The following NAALADL2 variants were observed in gnomAD, a reference collection of about 807,000 sequenced individuals.
NAALADL2 encodes the protein inactive N-acetylated-alpha-linked acidic dipeptidase-like protein 2.
In NAALADL2, 76 loss-of-function variants were observed where a neutral mutation model predicts 87.2. The ratio of observed to expected loss-of-function variants is 0.87; its 90% CI spans 0.72 to 1.05. The LOEUF (loss-of-function observed/expected upper bound fraction) is 1.05, where lower values mean the gene tolerates loss of function less well. NAALADL2 is among the 50% of genes least tolerant of loss of function. The probability of loss-of-function intolerance (pLI) is 0.00; values close to 1 mark genes in which losing one functional copy is unlikely to be tolerated. For synonymous variants in NAALADL2, 354 were observed against 331.0 expected (o/e 1.07, Z -0.75); for missense variants, 1,089 against 945.8 (o/e 1.15, Z -1.99).
intron 11 of NAALADL2, among the ~76,000 whole-genome samples, chr3:175,681,952 T>C (rs1735657014): frequency 1.3e-5 from 2 of 152,120 alleles, no homozygotes; most frequent in Admixed American, 6.6e-5. Flanking sequence ...CCTAAAGAAG[T>C]TAGTAACTAA....
intron 1 of NAALADL2, among the ~76,000 whole-genome samples, chr3:174,468,282 G>C (rs1476428418): frequency 6.6e-6 from 1 of 152,156 alleles, no homozygotes; most frequent in East Asian, 1.9e-4. Context: ...TTGTTATGAG[G>C]AATGTGAGTG....
Position 174,480,955 on chromosome 3 carries a change from G to C in NAALADL2, c.-184+39923G>C, listed in dbSNP as rs186262608. 1.0e-3 allele frequency among the ~76,000 whole-genome samples: 159 copies of C among 152,192 alleles called. 1 individual carries two copies. Among genetic ancestry groups the C allele is most frequent in the South Asian group, 8.3e-4 (4 of 4,828 alleles). On this transcript the variant is annotated intron_variant, in intron 1 of 3. Coordinates refer to the NAALADL2 transcript ENST00000434257. ...CAGGGTCTGAGATGGGCAGATAGGAGAGTCAATATTGATCATCAGCTATAA... is the reference window on the plus strand; with the variant it reads ...CAGGGTCTGAGATGGGCAGATAGGACAGTCAATATTGATCATCAGCTATAA...
rs140229336 is a variant in NAALADL2, at chr3:174,936,315, G to A, written c.43+76865G>A. ...GTATTATTTACTTTGTACTCTACAT[G>A]TACCTTGAAGAAGAATTATTTCTTA... is the stretch of plus-strand genomic sequence containing the variant. On this transcript the variant is annotated intron_variant, in intron 1 of 13. Coordinates refer to ENST00000454872, the MANE Select transcript of NAALADL2 (RefSeq NM_207015.3). Among the ~76,000 whole-genome samples the A allele has an allele frequency of 9.1e-3, 1,378 of 152,072 alleles. 27 individuals are homozygous for A. Among genetic ancestry groups the A allele is most frequent in the African/African-American group, 0.032 (1,309 of 41,508 alleles).
At chr3:174,702,841 G>A (rs1729686504) in intron 2 of NAALADL2, among the ~76,000 whole-genome samples, 1 of 152,134 alleles carries the variant, frequency 6.6e-6, no homozygotes, top group Non-Finnish European at 1.5e-5. Context: ...TGATTATAAT[G>A]TATTCCTTTG....
At chr3:175,416,437 C>T (rs552290696) in intron 5 of NAALADL2, among the ~76,000 whole-genome samples, 20 of 152,230 alleles carry the variant, frequency 1.3e-4, no homozygotes, top group Non-Finnish European at 2.6e-4. Context: ...TGAATCACCA[C>T]TTCCTTACTG....
chr3:174,854,055 A>G (rs922643330), intron 3 of NAALADL2, among the ~76,000 whole-genome samples: 2 of 152,210 alleles, frequency 1.3e-5, no homozygotes, highest in Non-Finnish European at 2.9e-5. Context: ...AAGGAAATCA[A>G]TATATCAAAG....
intron 6 of NAALADL2, 59 bp from the exon 7 acceptor site, chr3:175,463,342 G>A (rs1380514192): frequency 3.6e-5 from 40 of 1,098,128 alleles, no homozygotes; most frequent in Non-Finnish European, 4.7e-5. Context: ...AAATTTTAAG[G>A]TTTAAAAAAT....
intron 1 of NAALADL2, among the ~76,000 whole-genome samples, chr3:175,007,144 A>G (rs1579981488): frequency 7.7e-6 from 1 of 129,860 alleles, no homozygotes; most frequent in Non-Finnish European, 1.6e-5. Context: ...AATTTCTTTT[A>G]TAGGATAAAA....
At chr3:175,616,591 G>C (rs1725381896) in intron 10 of NAALADL2, among the ~76,000 whole-genome samples, 2 of 152,024 alleles carry the variant, frequency 1.3e-5, no homozygotes, top group East Asian at 3.9e-4. Context: ...TTCCTTCAGT[G>C]CCACTTCGCA....
chr3:174,997,833 A>AAACAACAACAACAACAACAACAAC (rs60367540), intron 1 of NAALADL2, among the ~76,000 whole-genome samples: 1 of 141,956 alleles, frequency 7.0e-6, no homozygotes, highest in African/African-American at 3.1e-5. Context: ...ACCAAAAAGC[A>AAACAACAACAACAACAACAACAAC]AACAACAACA....
chr3:174,826,295 G>T (rs1430501038), intron 3 of NAALADL2, among the ~76,000 whole-genome samples: 1 of 152,286 alleles, frequency 6.6e-6, no homozygotes, highest in Admixed American at 6.5e-5. Context: ...AGAGATAAAT[G>T]GTTAAACATC....
chr3:175,629,683 T>C lies in NAALADL2; in HGVS notation c.1896+2297T>C, dbSNP rs948973517. The stretch of plus-strand genomic sequence containing the variant: ...TTTTCAATTAAGAGGTATAAACATA[T>C]ACTAATTCTCGATGCCTGAAGTCTT... On this transcript the variant is annotated intron_variant, in intron 11 of 13. Coordinates refer to ENST00000454872, the MANE Select transcript of NAALADL2 (RefSeq NM_207015.3). Among the ~76,000 whole-genome samples, 7 of 151,744 alleles carry C rather than the reference T, an allele frequency of 4.6e-5. No individual in the cohort carries two copies. The East Asian group carries it at 1.4e-3, about 29-fold the overall frequency.
chr3:175,694,630 T>A (rs535063002), intron 11 of NAALADL2, among the ~76,000 whole-genome samples: 1 of 152,236 alleles, frequency 6.6e-6, no homozygotes, highest in South Asian at 2.1e-4. Context: ...CTATAATGGG[T>A]TCCTGGAGAT....
intron 11 of NAALADL2, among the ~76,000 whole-genome samples, chr3:175,667,316 T>C (rs1029798863): frequency 2.0e-5 from 3 of 152,112 alleles, no homozygotes; most frequent in African/African-American, 7.2e-5. Context: ...TTTCTATTGG[T>C]CAGATGTTTC....
intron 3 of NAALADL2, 114 bp downstream of exon 3, chr3:175,234,318 CTT>C (rs1745467076): frequency 8.7e-7 from 1 of 1,149,796 alleles, no homozygotes; most frequent in South Asian, 1.6e-5. Flanking sequence ...ACCATTAAAT[CTT>C]TTCAGTGTGG....
intron 1 of NAALADL2, among the ~76,000 whole-genome samples, chr3:175,086,114 A>C (rs966645863): frequency 2.6e-5 from 4 of 152,236 alleles, no homozygotes; most frequent in Non-Finnish European, 5.9e-5. Context: ...AAGCTTTACT[A>C]TCAGTTTGAA....
At chr3:174,821,252 T>C (rs1721384227) in intron 3 of NAALADL2, among the ~76,000 whole-genome samples, 1 of 152,160 alleles carries the variant, frequency 6.6e-6, no homozygotes, top group African/African-American at 2.4e-5. Context: ...CATTAGGAAA[T>C]ATATTTCACC....
At chr3:175,572,106 G>A (rs1048449123) in intron 9 of NAALADL2, among the ~76,000 whole-genome samples, 1 of 152,118 alleles carries the variant, frequency 6.6e-6, no homozygotes, top group East Asian at 1.9e-4. Flanking sequence ...GGGTTCAGTA[G>A]GTGAGAAACA....
intron 1 of NAALADL2, among the ~76,000 whole-genome samples, chr3:175,076,060 T>G (rs572592753): frequency 4.1e-4 from 62 of 152,084 alleles, no homozygotes; most frequent in African/African-American, 1.5e-3. Context: ...AAATTCCGTC[T>G]CTACTAAAGA....
Sources: allele counts gnomAD v4.1 joint callset (sites outside exome capture counted in the v4.1 genomes callset), GRCh38; gene constraint gnomAD v4.1.1; transcripts MANE v1.5; gene names NCBI Gene and HGNC (gene_info 2026-07-23, HGNC 2026-07-21).